IPO8: variants seen among roughly 807,000 people sequenced by gnomAD.
IPO8 encodes importin-8.
In IPO8, 65 loss-of-function variants were observed where a neutral mutation model predicts 141.2. That is an observed-to-expected ratio of 0.46 (90% CI 0.38 to 0.57). The LOEUF is 0.57. Ranked by LOEUF, IPO8 falls within the 20% of genes least tolerant of loss-of-function variation. IPO8 has a pLI of 0.00. For missense variants in IPO8, 980 were observed against 1,246.8 expected (o/e 0.79, Z 3.22); for synonymous variants, 411 against 420.3 (o/e 0.98, Z 0.27).
chr12:30,634,019 G>A (rs541381970), intron 23 of IPO8, 64 bp downstream of exon 23: 8 of 1,445,504 alleles, frequency 5.5e-6, no homozygotes, highest in Non-Finnish European at 6.7e-6. Flanking sequence ...TATCAAAACA[G>A]GAAGAAATGA....
At chr12:30,633,276 T>C (rs1406953805) in intron 23 of IPO8, among the ~76,000 whole-genome samples, 2 of 152,190 alleles carry the variant, frequency 1.3e-5, no homozygotes, top group Non-Finnish European at 2.9e-5. Context: ...GGATGTTCAT[T>C]TTAATAACCC....
In IPO8 at chr12:30,639,698, A is replaced by G. The variant is rs2052551343; in HGVS notation, c.2306T>C (p.Leu769Ser). 1.2e-6 allele frequency: 2 copies of G among 1,614,026 alleles called. No individual in the cohort carries two copies. The highest frequency in any genetic ancestry group is 2.2e-5 in the South Asian group (2 of 91,086). The change falls in exon 21 of 25, where the codon TTA (leucine) becomes TCA (serine). Residue 769 changes from leucine (L) to serine (S), a missense_variant. Physicochemically the swap from Leu to Ser is moderately radical, Grantham distance 145. Coordinates refer to ENST00000256079, the MANE Select transcript of IPO8 (RefSeq NM_006390.4). ...CTCACTAGTTTTGACCCCTCGAGTT[A>G]ATCTCTCCAAAACAAGTTGAACGAA... ...PLFVQLVLER[L>S]TRGVKTSELR...
chr12:30,634,286 T>C lies in IPO8; in HGVS notation c.2696A>G (p.Glu899Gly). 1 of 1,610,674 alleles carries C rather than the reference T, an allele frequency of 6.2e-7. No individual in the cohort carries two copies. Among genetic ancestry groups the C allele is most frequent in the East Asian group, 2.2e-5 (1 of 44,840 alleles). The change falls in exon 23 of 25, where the codon GAG (glutamate) becomes GGG (glycine). Residue 899 changes from glutamate to glycine, a missense_variant and splice_region_variant. Physicochemically the swap from Glu to Gly is moderately conservative, Grantham distance 98. Transcript: ENST00000256079. Reference sequence around the variant, plus strand: ...CTCCTCTTCATCACTTGAAATCTCCTCTGTGAACCCATTAATTATTTAAAA... The same window carrying C: ...CTCCTCTTCATCACTTGAAATCTCCCCTGTGAACCCATTAATTATTTAAAA... ...KAEKADMEEN[E>G]EISSDEEETN...
intron 8 of IPO8, among the ~76,000 whole-genome samples, chr12:30,671,471 A>C (rs1365756584): frequency 6.6e-6 from 1 of 152,108 alleles, no homozygotes; most frequent in Admixed American, 6.5e-5. Flanking sequence ...CAGGAGAACG[A>C]GAGCATCCTG....
chr12:30,667,138 T>C (rs1056063387), intron 10 of IPO8, among the ~76,000 whole-genome samples: 1 of 152,228 alleles, frequency 6.6e-6, no homozygotes, highest in Non-Finnish European at 1.5e-5. Context: ...AAGAACATTT[T>C]TGGAGTACTG....
chr12:30,633,164 A>G (rs7316477), intron 23 of IPO8, among the ~76,000 whole-genome samples: 86,365 of 152,082 alleles, frequency 0.57, 25,639 homozygotes, highest in African/African-American at 0.74. Flanking sequence ...CAATAAGAAC[A>G]TCTAGGTAGT....
chr12:30,687,031 T>C (rs1170215927), intron 2 of IPO8, among the ~76,000 whole-genome samples: 17 of 152,128 alleles, frequency 1.1e-4, no homozygotes, highest in Admixed American at 1.1e-3. Flanking sequence ...AAGATAACTG[T>C]TACCATATCA....
At position 30,671,030 on chromosome 12, in the gene IPO8, C is replaced by T. The variant is rs753450956; in HGVS notation, c.976G>A (p.Ala326Thr). Residue 326 changes from alanine to threonine, a missense_variant, in exon 9 of 25, where the codon GCA becomes ACA. By Grantham distance (58) the Ala-to-Thr change is moderately conservative. Coordinates refer to ENST00000256079, the MANE Select transcript of IPO8 (RefSeq NM_006390.4). ...EYVAPRVLQQ[A>T]FNYLNQGVVH... The stretch of plus-strand genomic sequence containing the variant: ...ACCCCTTGGTTGAGATAGTTGAATG[C>T]TTGCTGAAGAACACGGGGAGCTACA... 5 of 1,612,616 alleles carry T rather than the reference C, an allele frequency of 3.1e-6. No individual in the cohort carries two copies. In the African/African-American group the frequency reaches 5.3e-5, roughly 17 times the overall value.
rs113652175 is a variant in IPO8, at chr12:30,676,734, A to C, written c.640-147T>G. The C allele has an allele frequency of 2.9e-3, 2,186 of 762,624 alleles. 29 individuals are homozygous for C. In the African/African-American group the frequency reaches 0.033, roughly 12 times the overall value. 47.2% of individuals were successfully genotyped at this position (762,624 alleles called of 1,614,324 possible). ...CTTGTATGGTTCAACCTAACTTAAAACAGATTCATACGACCATATAGAACT... is the reference window on the plus strand; with the variant it reads ...CTTGTATGGTTCAACCTAACTTAAACCAGATTCATACGACCATATAGAACT... On this transcript the variant is annotated intron_variant, in intron 5 of 24. Coordinates refer to ENST00000256079, the MANE Select transcript of IPO8 (RefSeq NM_006390.4).
intron 16 of IPO8, 146 bp from the exon 17 acceptor site, chr12:30,656,896 A>G: frequency 2.3e-6 from 1 of 426,356 alleles, no homozygotes; most frequent in East Asian, 3.9e-5. Flanking sequence ...AACATGCAAG[A>G]ATAATCAGAA....
intron 3 of IPO8, 133 bp from the exon 4 acceptor site, chr12:30,681,950 G>T (rs1313729285): frequency 9.6e-6 from 6 of 626,572 alleles, no homozygotes; most frequent in Non-Finnish European, 1.5e-5. Flanking sequence ...GTGGGGTAGG[G>T]GAAAAAGACA....
In IPO8 at chr12:30,695,426, C is replaced by A; in HGVS notation, c.84+138G>T. 1 of 678,258 alleles carries A rather than the reference C, an allele frequency of 1.5e-6. No individual in the cohort carries two copies. Among genetic ancestry groups the A allele is most frequent in the East Asian group, 2.8e-5 (1 of 36,164 alleles). 42.0% of individuals were successfully genotyped at this position (678,258 alleles called of 1,614,324 possible). On this transcript the variant is annotated intron_variant, in intron 1 of 24. Transcript: ENST00000256079. This position sits in a 1 kb window ranked among gnomAD's most constrained non-coding sequence, Gnocchi z 4.2. The stretch of plus-strand genomic sequence containing the variant: ...CCACTGGACCGGGGGGCAGCGGGGT[C>A]GGAGAGCGGGACCAGCCGTGAGGCG...
intron 8 of IPO8, among the ~76,000 whole-genome samples, chr12:30,672,043 C>A (rs1191779723): frequency 6.6e-6 from 1 of 151,868 alleles, no homozygotes; most frequent in Non-Finnish European, 1.5e-5. Flanking sequence ...TTTTTAAAAA[C>A]TGATTTTTTA....
rs1336813175 is a variant in IPO8, at chr12:30,669,068, G to A, written c.1144+115C>T. ...CTCTCAAAGTTTCAGATTATGTCAT[G>A]CAAAACAGAACCTGGGAGATTTAAT... On this transcript the variant is annotated intron_variant, in intron 10 of 24. Coordinates refer to ENST00000256079, the MANE Select transcript of IPO8 (RefSeq NM_006390.4). 5.9e-6 allele frequency: 3 copies of A among 508,942 alleles called. No individual in the cohort carries two copies. The East Asian group carries it at 9.3e-5, about 16-fold the overall frequency. 31.5% of individuals were successfully genotyped at this position (508,942 alleles called of 1,614,324 possible).
intron 22 of IPO8, among the ~76,000 whole-genome samples, chr12:30,636,300 G>T (rs1363430610): frequency 6.6e-6 from 1 of 152,026 alleles, no homozygotes. Flanking sequence ...CAAAGTATCT[G>T]TTTTTAACCA....
intron 3 of IPO8, among the ~76,000 whole-genome samples, chr12:30,682,120 C>T (rs2053195189): frequency 6.6e-6 from 1 of 152,102 alleles, no homozygotes; most frequent in South Asian, 2.1e-4. Flanking sequence ...ATGAATCTAC[C>T]TCCACTCTGT....
rs10843797 is a variant in IPO8 at position 30,634,294 on chromosome 12, C to T, written c.2696-8G>A. 356,285 of 1,602,636 alleles carry T rather than the reference C, an allele frequency of 0.22. 41,415 individuals are homozygous for T. Among genetic ancestry groups the T allele is most frequent in the African/African-American group, 0.27 (20,373 of 74,610 alleles). ...CATCACTTGAAATCTCCTCTGTGAA[C>T]CCATTAATTATTTAAAAGGAATCAA... On this transcript the variant is annotated splice_polypyrimidine_tract_variant and splice_region_variant and intron_variant, in intron 22 of 24. Transcript: ENST00000256079.
At chr12:30,687,047 T>C (rs914194555) in intron 2 of IPO8, among the ~76,000 whole-genome samples, 1 of 152,116 alleles carries the variant, frequency 6.6e-6, no homozygotes, top group African/African-American at 2.4e-5. Flanking sequence ...TATCAACCAA[T>C]AATCTGAAAA....
At chr12:30,679,547 T>C (rs2136168638) in intron 5 of IPO8, among the ~76,000 whole-genome samples, 1 of 150,794 alleles carries the variant, frequency 6.6e-6, no homozygotes, top group South Asian at 2.1e-4. Context: ...ATTTGCCTCC[T>C]TCCCTCTTCT....
Sources: gnomAD v4.1 joint callset for allele counts (sites outside exome capture counted in the v4.1 genomes callset) on GRCh38, gnomAD v4.1.1 for gene constraint, Gnocchi (gnomAD v3.1) non-coding constraint, MANE v1.5 for transcripts, NCBI Gene and HGNC (gene_info 2026-07-23, HGNC 2026-07-21) for gene names.